Variants in GALNTL6 observed in about 807,000 individuals in gnomAD.
The protein encoded by GALNTL6 is polypeptide N-acetylgalactosaminyltransferase like 6.
GALNTL6 carries 46 observed loss-of-function variants against 73.7 expected under a neutral mutation model. That is an observed-to-expected ratio of 0.62 (90% CI 0.49 to 0.80). The LOEUF (loss-of-function observed/expected upper bound fraction) is 0.80, where lower values mean the gene tolerates loss of function less well. Ranked by LOEUF, GALNTL6 falls within the 30% of genes least tolerant of loss-of-function variation. The pLI is 0.00. For synonymous variants in GALNTL6, 259 were observed against 263.7 expected, an observed-to-expected ratio of 0.98 and a Z score of 0.17; for missense variants, 604 against 755.0, an observed-to-expected ratio of 0.80 and a Z score of 2.34.
intron 3 of GALNTL6, among the ~76,000 whole-genome samples, chr4:172,256,038 A>G (rs925848793): frequency 6.6e-6 from 1 of 151,568 alleles, no homozygotes; most frequent in Non-Finnish European, 1.5e-5. Context: ...CATGGAAATC[A>G]TAAGGTATAT....
At chr4:172,208,706 A>C (rs994599646) in intron 2 of GALNTL6, among the ~76,000 whole-genome samples, 2 of 152,170 alleles carry the variant, frequency 1.3e-5, no homozygotes, top group African/African-American at 4.8e-5. Flanking sequence ...TTTTAATAGA[A>C]GTATTGGTTC....
rs1321325940 is a variant in GALNTL6, at chr4:172,069,742, T to C, written c.139-159914T>C. 2.0e-5 allele frequency among the ~76,000 whole-genome samples: 2 copies of C among 102,362 alleles called. 1 individual carries two copies. Among genetic ancestry groups the C allele is most frequent in the Non-Finnish European group, 4.2e-5 (2 of 47,654 alleles). The allele number at this position is 102,362 out of a possible 152,430, so 67.2% of individuals were successfully genotyped here. ...ATCCACAAAATTCCACTTAGAAGAT[T>C]TGATATTTGCCTTGAGTTATTTAAT... is the stretch of plus-strand genomic sequence containing the variant. On this transcript the variant is annotated intron_variant, in intron 2 of 12. Coordinates refer to ENST00000506823, the MANE Select transcript of GALNTL6 (RefSeq NM_001034845.3).
At chr4:172,571,113 A>G (rs184762528) in intron 5 of GALNTL6, among the ~76,000 whole-genome samples, 2 of 152,188 alleles carry the variant, frequency 1.3e-5, no homozygotes, top group Non-Finnish European at 1.5e-5. Flanking sequence ...ACAGACTGGT[A>G]TAGGGGTTGG....
intron 2 of GALNTL6, among the ~76,000 whole-genome samples, chr4:171,860,346 A>G (rs1735800676): frequency 6.6e-6 from 1 of 152,196 alleles, no homozygotes; most frequent in African/African-American, 2.4e-5. Context: ...CCTCTACCAT[A>G]TACATTGCAG....
At chr4:172,957,854 T>G (rs1349112466) in intron 10 of GALNTL6, among the ~76,000 whole-genome samples, 1 of 152,160 alleles carries the variant, frequency 6.6e-6, no homozygotes, top group Non-Finnish European at 1.5e-5. Context: ...TGGAAGATAA[T>G]ATAGCATAGC....
At chr4:172,264,226 C>A (rs1222098593) in intron 3 of GALNTL6, among the ~76,000 whole-genome samples, 2 of 151,258 alleles carry the variant, frequency 1.3e-5, no homozygotes, top group Admixed American at 6.6e-5. Context: ...TTCACCTTCT[C>A]CTTTTCTCAG....
chr4:171,979,537 C>T (rs535251542), intron 2 of GALNTL6, among the ~76,000 whole-genome samples: 11 of 152,248 alleles, frequency 7.2e-5, no homozygotes, highest in Non-Finnish European at 1.3e-4. Flanking sequence ...TTGGTATCCA[C>T]GGGTAACAGA....
intron 5 of GALNTL6, among the ~76,000 whole-genome samples, chr4:172,357,508 T>C (rs893246362): frequency 2.0e-5 from 3 of 152,026 alleles, no homozygotes; most frequent in African/African-American, 4.8e-5. Context: ...TGGGCAAATG[T>C]CCAGCATTGG....
intron 2 of GALNTL6, among the ~76,000 whole-genome samples, chr4:172,074,877 T>G (rs1731656029): frequency 6.6e-6 from 1 of 152,192 alleles, no homozygotes; most frequent in African/African-American, 2.4e-5. Flanking sequence ...TTACCTTGCA[T>G]GCTAACTTTT....
chr4:172,524,409 C>T (rs1462859849), intron 5 of GALNTL6, among the ~76,000 whole-genome samples: 8 of 151,942 alleles, frequency 5.3e-5, no homozygotes, highest in African/African-American at 1.2e-4. Flanking sequence ...CCACCATGCC[C>T]GGCTAATGTT....
chr4:172,581,850 G>T, intron 5 of GALNTL6, among the ~76,000 whole-genome samples: 1 of 152,176 alleles, frequency 6.6e-6, no homozygotes, highest in East Asian at 1.9e-4. Context: ...ACTGTTGCTT[G>T]CCCTCTGAAG....
At chr4:172,802,814 C>CA (rs1560962844) in intron 5 of GALNTL6, among the ~76,000 whole-genome samples, 2 of 128,530 alleles carry the variant, frequency 1.6e-5, no homozygotes, top group African/African-American at 5.2e-5. Context: ...AACAAACAAA[C>CA]AACAACAACA....
At chr4:172,891,180 A>G (rs936508315) in intron 8 of GALNTL6, among the ~76,000 whole-genome samples, 4 of 151,450 alleles carry the variant, frequency 2.6e-5, no homozygotes, top group African/African-American at 7.3e-5. Flanking sequence ...ATTTAGACCA[A>G]TATGCGAGGT....
At chr4:172,721,462 T>G (rs1357063095) in intron 5 of GALNTL6, among the ~76,000 whole-genome samples, 2 of 152,210 alleles carry the variant, frequency 1.3e-5, no homozygotes, top group African/African-American at 4.8e-5. Flanking sequence ...ATTGCAGAAA[T>G]ATTAATATAG....
At chr4:172,453,327 G>A (rs1237054757) in intron 5 of GALNTL6, among the ~76,000 whole-genome samples, 2 of 152,156 alleles carry the variant, frequency 1.3e-5, no homozygotes, top group African/African-American at 4.8e-5. Flanking sequence ...ACCCTAATAA[G>A]AAGACAGAGA....
In GALNTL6 at chr4:172,133,301, G is replaced by T. The variant is rs71607869; in HGVS notation, c.139-96355G>T. 2.6e-3 allele frequency among the ~76,000 whole-genome samples: 403 copies of T among 152,206 alleles called. 2 individuals carry two copies. The highest frequency in any genetic ancestry group is 8.7e-3 in the African/African-American group (361 of 41,532). The stretch of plus-strand genomic sequence containing the variant: ...CTATGAATAGAGAATCCATAGAACT[G>T]GTTCTGCGTACATTAGTATAAACCA... On this transcript the variant is annotated intron_variant, in intron 2 of 12. Coordinates refer to ENST00000506823, the MANE Select transcript of GALNTL6 (RefSeq NM_001034845.3).
At chr4:172,524,625 G>A (rs1435214612) in intron 5 of GALNTL6, among the ~76,000 whole-genome samples, 1 of 152,140 alleles carries the variant, frequency 6.6e-6, no homozygotes, top group Non-Finnish European at 1.5e-5. Flanking sequence ...ATAAGTCTCA[G>A]TACACACATG....
intron 9 of GALNTL6, among the ~76,000 whole-genome samples, chr4:172,942,487 A>G (rs1748961185): frequency 6.6e-6 from 1 of 152,186 alleles, no homozygotes; most frequent in African/African-American, 2.4e-5. Flanking sequence ...TCATCTAGAA[A>G]TAAGGTCGTA....
chr4:172,175,627 T>TA (rs975680204), intron 2 of GALNTL6, among the ~76,000 whole-genome samples: 1 of 152,244 alleles, frequency 6.6e-6, no homozygotes, highest in African/African-American at 2.4e-5. Flanking sequence ...TTAACAATGC[T>TA]AAGAATTTTG....
Sources: allele counts gnomAD v4.1 joint callset (sites outside exome capture counted in the v4.1 genomes callset), GRCh38; gene constraint gnomAD v4.1.1; transcripts MANE v1.5; gene names NCBI Gene and HGNC (gene_info 2026-07-23, HGNC 2026-07-21).